Variants in SMAGP observed in about 807,000 individuals in gnomAD.
SMAGP encodes small cell transmembrane and glycosylated protein.
SMAGP carries 7 observed loss-of-function variants against 10.1 expected under a neutral mutation model. The ratio of observed to expected loss-of-function variants is 0.70; its 90% confidence interval spans 0.40 to 1.31. The LOEUF (loss-of-function observed/expected upper bound fraction) is 1.31. Among genes scored for constraint, SMAGP ranks in the 50% most tolerant of loss-of-function variants. SMAGP has a pLI of 0.01. For missense variants in SMAGP, 113 were observed against 116.5 expected, an observed-to-expected ratio of 0.97 and a Z score of 0.14; for synonymous variants, 49 against 47.2, an observed-to-expected ratio of 1.04 and a Z score of -0.16.
chr12:51,248,430 ACACACTCTCTCT>A lies in SMAGP; in HGVS notation c.35-1611_35-1600del, dbSNP rs773411503. 4.2e-3 allele frequency among the ~76,000 whole-genome samples: 382 copies of A among 91,430 alleles called. 2 individuals carry two copies. The highest frequency in any genetic ancestry group is 0.016 in the South Asian group (44 of 2,736). The allele number at this position is 91,430 out of a possible 152,430, so 60.0% of individuals were successfully genotyped here. On this transcript the variant is annotated intron_variant, in intron 2 of 3. Transcript: ENST00000603798. ...CACACACACACACACACACACACAC[ACACACTCTCTCT>A]CTCTCTCTCTCTCTCTCTCTCTCTC...
chr12:51,246,122 T>G lies in SMAGP; in HGVS notation c.116-3A>C. On this transcript the variant is annotated splice_polypyrimidine_tract_variant and splice_region_variant and intron_variant, in intron 3 of 3. Transcript: ENST00000603798. The stretch of plus-strand genomic sequence containing the variant: ...GAGGAAGACAACGGTGATAACAACT[T>G]GGAAAGGAGAGGGAAAATGTAGAGA... The G allele has an allele frequency of 6.2e-7, 1 of 1,613,630 alleles. No individual in the cohort carries two copies. The highest frequency in any genetic ancestry group is 8.5e-7 in the Non-Finnish European group (1 of 1,179,674).
chr12:51,258,683 G>A (rs1194733168), intron 2 of SMAGP, among the ~76,000 whole-genome samples: 1 of 152,000 alleles, frequency 6.6e-6, no homozygotes, highest in African/African-American at 2.4e-5. Flanking sequence ...GCCTAAGTGA[G>A]GCAGTAATGG....
At chr12:51,251,220 G>A (rs1191528291) in intron 2 of SMAGP, among the ~76,000 whole-genome samples, 1 of 152,068 alleles carries the variant, frequency 6.6e-6, no homozygotes, top group Non-Finnish European at 1.5e-5. Flanking sequence ...GATTGCTTGA[G>A]GCCAGGAGTT....
Position 51,250,511 on chromosome 12 carries a change from G to GT in SMAGP, c.35-3681dup, listed in dbSNP as rs111568799. The stretch of plus-strand genomic sequence containing the variant: ...GTTGTTGTTGTTGTGTTTTTTTTTT[G>GT]TTTTTTTTTTGTTGTTGTTGTTGAG... On this transcript the variant is annotated intron_variant, in intron 2 of 3. Coordinates refer to ENST00000603798, the MANE Select transcript of SMAGP (RefSeq NM_001031628.2). Among the ~76,000 whole-genome samples the GT allele has an allele frequency of 4.3e-3, 626 of 145,252 alleles. 2 individuals are homozygous for GT. The highest frequency in any genetic ancestry group is 6.4e-3 in the Non-Finnish European group (426 of 66,384).
At chr12:51,248,916 AAAAAAAAAAAAAAAAT>A (rs1944810671) in intron 2 of SMAGP, among the ~76,000 whole-genome samples, 1 of 146,530 alleles carries the variant, frequency 6.8e-6, no homozygotes, top group African/African-American at 2.6e-5. Context: ...AAAAAAAAAA[AAAAAAAAAAAAAAAAT>A]AGCCAAGTAT....
chr12:51,251,209 G>A (rs1938922435), intron 2 of SMAGP, among the ~76,000 whole-genome samples: 1 of 152,062 alleles, frequency 6.6e-6, no homozygotes, highest in African/African-American at 2.4e-5. Context: ...GGAGGCAGGA[G>A]GATTGCTTGA....
chr12:51,261,893 A>C (rs1944935495), intron 2 of SMAGP, among the ~76,000 whole-genome samples: 1 of 151,886 alleles, frequency 6.6e-6, no homozygotes, highest in South Asian at 2.1e-4. Flanking sequence ...AAAAAAGCAA[A>C]CTGCCAGGTG....
intron 2 of SMAGP, among the ~76,000 whole-genome samples, chr12:51,260,298 C>T (rs940978137): frequency 1.3e-5 from 2 of 148,466 alleles, no homozygotes; most frequent in African/African-American, 4.9e-5. Flanking sequence ...TCAAGCGATT[C>T]TCCTGCCTTA....
intron 2 of SMAGP, among the ~76,000 whole-genome samples, chr12:51,251,995 T>C (rs1414066489): frequency 1.3e-5 from 2 of 152,168 alleles, no homozygotes; most frequent in South Asian, 2.1e-4. Context: ...TTTCCACTTA[T>C]ATGAAGCCAT....
intron 2 of SMAGP, among the ~76,000 whole-genome samples, chr12:51,266,882 G>C (rs1040621799): frequency 3.9e-5 from 6 of 152,192 alleles, no homozygotes; most frequent in African/African-American, 1.4e-4. Flanking sequence ...TTGGGAGGCC[G>C]AGAAGGGCAG....
chr12:51,262,875 G>C (rs1398370874), intron 2 of SMAGP, among the ~76,000 whole-genome samples: 1 of 152,136 alleles, frequency 6.6e-6, no homozygotes, highest in African/African-American at 2.4e-5. Context: ...GACCTGCCCA[G>C]CAGAGGGCGG....
At chr12:51,246,876 T>C in intron 2 of SMAGP, 45 bp from the exon 3 acceptor site, 1 of 1,453,926 alleles carries the variant, frequency 6.9e-7, no homozygotes, top group Non-Finnish European at 9.2e-7. Flanking sequence ...GTGAATTCTT[T>C]TGTTTGAAAG....
At chr12:51,252,035 A>T (rs1054349739) in intron 2 of SMAGP, among the ~76,000 whole-genome samples, 1 of 152,184 alleles carries the variant, frequency 6.6e-6, no homozygotes, top group African/African-American at 2.4e-5. Context: ...AGATGAAGAA[A>T]GGTGCAAAGA....
intron 2 of SMAGP, 134 bp downstream of exon 2, chr12:51,269,111 C>T (rs752782227): frequency 8.7e-6 from 8 of 920,452 alleles, no homozygotes; most frequent in Non-Finnish European, 1.4e-5. Context: ...TGCTTCCTCC[C>T]AGGCCCTTCC....
Position 51,245,821 on chromosome 12 carries a change from G to A in SMAGP, c.*120C>T. 8.6e-7 allele frequency: 1 copy of A among 1,167,122 alleles called. No individual in the cohort carries two copies. The highest frequency in any genetic ancestry group is 1.2e-6 in the Non-Finnish European group (1 of 837,578). The allele number at this position is 1,167,122 out of a possible 1,614,324, so 72.3% of individuals were successfully genotyped here. On this transcript the variant is annotated 3_prime_UTR_variant, in exon 4 of 4. Transcript: ENST00000603798. Reference sequence around the variant, plus strand: ...CATTTGGGACTGCGACCTGGCTGGAGCTTGGATTTGCCCACATCAATCAAT... The same window carrying A: ...CATTTGGGACTGCGACCTGGCTGGAACTTGGATTTGCCCACATCAATCAAT...
intron 2 of SMAGP, among the ~76,000 whole-genome samples, chr12:51,247,533 C>A (rs1433914983): frequency 6.6e-6 from 1 of 152,132 alleles, no homozygotes; most frequent in Non-Finnish European, 1.5e-5. Flanking sequence ...ACCCTAAAGT[C>A]ATTACCCAGG....
At chr12:51,268,553 T>TCTTC (rs144330618) in intron 2 of SMAGP, among the ~76,000 whole-genome samples, 10,170 of 148,300 alleles carry the variant, frequency 0.069, 892 homozygotes, top group East Asian at 0.31. Flanking sequence ...TATACAATAA[T>TCTTC]CTTCCTTCCT....
intron 2 of SMAGP, 21 bp from the exon 3 acceptor site, chr12:51,246,852 GA>G: frequency 3.3e-6 from 5 of 1,529,954 alleles, no homozygotes; most frequent in Middle Eastern, 1.7e-4. Context: ...TAGAAAAGTG[GA>G]AAAGGAAATG....
chr12:51,248,900 C>CAAAAAAA (rs545881552), intron 2 of SMAGP, among the ~76,000 whole-genome samples: 1 of 95,620 alleles, frequency 1.0e-5, no homozygotes, highest in Non-Finnish European at 2.0e-5. Context: ...AAAAATACCA[C>CAAAAAAA]AAAAAAAAAA....
Sources: gnomAD v4.1 joint callset for allele counts (sites outside exome capture counted in the v4.1 genomes callset) on GRCh38, gnomAD v4.1.1 for gene constraint, MANE v1.5 for transcripts, NCBI Gene and HGNC (gene_info 2026-07-23, HGNC 2026-07-21) for gene names.